The following TMEM38A variants were observed in gnomAD, a reference collection of about 807,000 sequenced individuals.
The protein encoded by TMEM38A is transmembrane protein 38A.
A neutral mutation model predicts 28.6 loss-of-function variants in TMEM38A; 17 were observed. That is an observed-to-expected ratio of 0.60 (90% CI 0.41 to 0.89). TMEM38A has a LOEUF of 0.89. Ranked by LOEUF, TMEM38A falls within the 40% of genes least tolerant of loss-of-function variation. The pLI, the probability that TMEM38A is intolerant of heterozygous loss-of-function variation, is 0.00. For missense variants in TMEM38A, 328 were observed against 393.1 expected (o/e 0.83, Z 1.40); for synonymous variants, 169 against 166.1 (o/e 1.02, Z -0.14).
intron 1 of TMEM38A, among the ~76,000 whole-genome samples, chr19:16,674,736 T>C (rs1209407381): frequency 3.3e-5 from 5 of 151,762 alleles, no homozygotes; most frequent in Non-Finnish European, 7.4e-5. Context: ...GAGGCAGAGG[T>C]TGCAGTGAGC....
At position 16,663,853 on chromosome 19, in the gene TMEM38A, C is replaced by T. The variant is rs116466293; in HGVS notation, c.124+2512C>T. Among the ~76,000 whole-genome samples the T allele has an allele frequency of 4.2e-3, 643 of 151,732 alleles. 2 individuals are homozygous for T. The highest frequency in any genetic ancestry group is 0.015 in the African/African-American group (608 of 41,378). On this transcript the variant is annotated intron_variant, in intron 1 of 5. Transcript: ENST00000187762. ...GCCCGGCCTCCTAGGAGCTTTTAAACCCCCTATCTCCACCCCCCACCAATT... is the reference window on the plus strand; with the variant it reads ...GCCCGGCCTCCTAGGAGCTTTTAAATCCCCTATCTCCACCCCCCACCAATT...
chr19:16,670,126 C>T (rs1350112841), intron 1 of TMEM38A, among the ~76,000 whole-genome samples: 4 of 149,516 alleles, frequency 2.7e-5, no homozygotes, highest in Middle Eastern at 3.6e-3. Context: ...CCTGTCACCA[C>T]GCCCAGCTGA....
Position 16,680,068 on chromosome 19 carries a change from A to T in TMEM38A, c.209A>T (p.Asp70Val). 1.2e-6 allele frequency: 2 copies of T among 1,611,520 alleles called. No homozygotes were observed. The highest frequency in any genetic ancestry group is 1.7e-6 in the Non-Finnish European group (2 of 1,179,996). The change falls in exon 2 of 6, where the codon GAT becomes GTT. Residue 70 changes from aspartate to valine, a missense_variant. By Grantham distance (152) the Asp-to-Val change is radical. Transcript: ENST00000187762. ...LHCFGSYILA[D>V]LLLGEPLIDY... ...TGCTTCGGGAGCTACATCCTGGCTG[A>T]TCTGCTCCTTGGGGAGCCACTGATC... is the stretch of plus-strand genomic sequence containing the variant.
intron 4 of TMEM38A, 67 bp from the exon 5 acceptor site, chr19:16,686,221 C>T: frequency 8.1e-7 from 1 of 1,239,398 alleles, no homozygotes. Context: ...AGGGGGGTGT[C>T]TGGGCCAGAG....
chr19:16,674,818 A>AC (rs988228896), intron 1 of TMEM38A, among the ~76,000 whole-genome samples: 25 of 151,660 alleles, frequency 1.6e-4, no homozygotes, highest in South Asian at 1.0e-3. Context: ...AACAACAACA[A>AC]AAAAAAACCA....
intron 1 of TMEM38A, among the ~76,000 whole-genome samples, chr19:16,674,107 AG>A (rs1230663413): frequency 6.7e-6 from 1 of 149,702 alleles, no homozygotes; most frequent in African/African-American, 2.5e-5. Flanking sequence ...GTCCAGGGCC[AG>A]GCGCTGTGGT....
chr19:16,661,493 C>A lies in TMEM38A; in HGVS notation c.124+152C>A. On this transcript the variant is annotated intron_variant, in intron 1 of 5. Coordinates refer to ENST00000187762, the MANE Select transcript of TMEM38A (RefSeq NM_024074.4). This position sits in a 1 kb window ranked among gnomAD's most constrained non-coding sequence, Gnocchi z 6.5. ...CGTGGGAGTAGGCAGGCGCTAGAAT[C>A]GTGGGGTTCTCTCACGCCGGGGTGA... is the stretch of plus-strand genomic sequence containing the variant. 1.6e-6 allele frequency: 1 copy of A among 634,372 alleles called. No individual in the cohort carries two copies. The highest frequency in any genetic ancestry group is 2.4e-6 in the Non-Finnish European group (1 of 420,428). 39.3% of individuals were successfully genotyped at this position (634,372 alleles called of 1,614,324 possible).
intron 3 of TMEM38A, 27 bp from the exon 4 acceptor site, chr19:16,682,394 C>G (rs748990992): frequency 6.2e-7 from 1 of 1,605,256 alleles, no homozygotes; most frequent in Non-Finnish European, 8.5e-7. Flanking sequence ...GGGTGGTGGG[C>G]TTGTTCAGAA....
chr19:16,669,355 C>T (rs755131700), intron 1 of TMEM38A, among the ~76,000 whole-genome samples: 21 of 151,152 alleles, frequency 1.4e-4, no homozygotes, highest in Non-Finnish European at 2.8e-4. Context: ...TACAGGTGCC[C>T]GCCACCATGC....
At chr19:16,685,526 A>G (rs1283192531) in intron 4 of TMEM38A, among the ~76,000 whole-genome samples, 2 of 152,196 alleles carry the variant, frequency 1.3e-5, no homozygotes, top group African/African-American at 2.4e-5. Flanking sequence ...GTGTGACAAC[A>G]TGCATGGTGT....
intron 1 of TMEM38A, among the ~76,000 whole-genome samples, chr19:16,672,615 C>G (rs2086732829): frequency 6.6e-6 from 1 of 151,704 alleles, no homozygotes; most frequent in Non-Finnish European, 1.5e-5. Flanking sequence ...CGCCCGGCTA[C>G]TTTTTGTATT....
At chr19:16,668,526 A>G (rs1391742605) in intron 1 of TMEM38A, among the ~76,000 whole-genome samples, 7 of 144,578 alleles carry the variant, frequency 4.8e-5, no homozygotes, top group Non-Finnish European at 9.0e-5. Flanking sequence ...AAAAAAAGAG[A>G]TGGGGGTTCT....
intron 4 of TMEM38A, among the ~76,000 whole-genome samples, chr19:16,683,426 TA>T (rs576788150): frequency 2.4e-4 from 34 of 144,644 alleles, no homozygotes; most frequent in South Asian, 6.6e-4. Context: ...TATTCTATAT[TA>T]AAAAAAAAAA....
At chr19:16,686,484 G>A (rs1334811442) in intron 5 of TMEM38A, 79 bp downstream of exon 5, 15 of 1,173,138 alleles carry the variant, frequency 1.3e-5, no homozygotes, top group Non-Finnish European at 1.9e-5. Flanking sequence ...TGGGGAAATT[G>A]GACACTCCCA....
chr19:16,673,691 T>C (rs763803383), intron 1 of TMEM38A, among the ~76,000 whole-genome samples: 10 of 152,098 alleles, frequency 6.6e-5, no homozygotes, highest in Non-Finnish European at 1.5e-4. Context: ...CCCTGTGAGG[T>C]TGACCAAGCT....
At chr19:16,663,729 G>A (rs1402104031) in intron 1 of TMEM38A, among the ~76,000 whole-genome samples, 4 of 151,354 alleles carry the variant, frequency 2.6e-5, no homozygotes, top group Non-Finnish European at 5.9e-5. Context: ...GTAGAGACAG[G>A]GTTTCACCGT....
intron 1 of TMEM38A, among the ~76,000 whole-genome samples, chr19:16,674,301 C>G (rs1275942057): frequency 1.4e-5 from 2 of 147,214 alleles, no homozygotes; most frequent in Admixed American, 6.9e-5. Flanking sequence ...AGGAGAATCA[C>G]TTGAACCTAG....
At position 16,661,302 on chromosome 19, in the gene TMEM38A, T is replaced by G. The variant is rs1414230746; in HGVS notation, c.85T>G (p.Tyr29Asp). 1.3e-5 allele frequency: 21 copies of G among 1,598,726 alleles called. No homozygotes were observed. Among genetic ancestry groups the G allele is most frequent in the Non-Finnish European group, 1.8e-5 (21 of 1,173,292 alleles). ...VPLFPVFDLS[Y>D]FIVSILYLKY... Reference sequence around the variant, plus strand: ...GCTCTTCCCCGTCTTCGACCTCAGTTACTTCATCGTCTCCATCCTCTACCT... The same window carrying G: ...GCTCTTCCCCGTCTTCGACCTCAGTGACTTCATCGTCTCCATCCTCTACCT... The change falls in exon 1 of 6, where the codon TAC (tyrosine) becomes GAC (aspartate). Residue 29 changes from tyrosine (Y) to aspartate (D), a missense_variant. Tyr to Asp is a radical substitution (Grantham distance 160). Coordinates refer to ENST00000187762, the MANE Select transcript of TMEM38A (RefSeq NM_024074.4). The surrounding 1 kb of genome is among the most constrained non-coding windows in gnomAD (Gnocchi z 6.5).
chr19:16,670,646 G>A (rs2086723281), intron 1 of TMEM38A, among the ~76,000 whole-genome samples: 1 of 152,150 alleles, frequency 6.6e-6, no homozygotes, highest in Admixed American at 6.6e-5. Flanking sequence ...AGCATCGAAA[G>A]TCCCATGTCC....
Sources: gnomAD v4.1 joint callset for allele counts (sites outside exome capture counted in the v4.1 genomes callset) on GRCh38, gnomAD v4.1.1 for gene constraint, Gnocchi (gnomAD v3.1) non-coding constraint, MANE v1.5 for transcripts, NCBI Gene and HGNC (gene_info 2026-07-23, HGNC 2026-07-21) for gene names.